PLCB4: variants seen among roughly 807,000 people sequenced by gnomAD.
PLCB4 encodes the protein 1-phosphatidylinositol 4,5-bisphosphate phosphodiesterase beta-4.
Under a neutral mutation model 178.8 loss-of-function variants are expected in PLCB4, and 77 were observed. The observed-to-expected ratio is 0.43, with a 90% CI of 0.36 to 0.52. PLCB4 has a LOEUF of 0.52. Ranked by LOEUF, PLCB4 falls within the 20% of genes least tolerant of loss-of-function variation. The pLI is 0.00. For missense variants in PLCB4, 1,024 were observed against 1,453.4 expected, an observed-to-expected ratio of 0.70 and a Z score of 4.80; for synonymous variants, 496 against 490.8, an observed-to-expected ratio of 1.01 and a Z score of -0.14.
chr20:9,391,996 C>T (rs748021379), intron 17 of PLCB4, among the ~76,000 whole-genome samples: 1 of 152,172 alleles, frequency 6.6e-6, no homozygotes, highest in Admixed American at 6.5e-5. Context: ...TGGTGCAATA[C>T]TACTTTTCTC....
At chr20:9,151,852 C>T (rs377706952) in intron 2 of PLCB4, among the ~76,000 whole-genome samples, 3 of 152,118 alleles carry the variant, frequency 2.0e-5, no homozygotes, top group East Asian at 3.9e-4. Flanking sequence ...TTTGGAACTT[C>T]CTAGAGACTT....
intron 30 of PLCB4, among the ~76,000 whole-genome samples, chr20:9,443,261 A>G: frequency 1.3e-5 from 2 of 152,354 alleles, no homozygotes; most frequent in East Asian, 1.9e-4. Context: ...GAGAAGCCAG[A>G]AAAAAATGTT....
chr20:9,374,720 A>G (rs2036526922), intron 12 of PLCB4, among the ~76,000 whole-genome samples: 1 of 152,160 alleles, frequency 6.6e-6, no homozygotes, highest in Admixed American at 6.6e-5. Context: ...TGCAGTATTT[A>G]TAGGCTCTTA....
At chr20:9,123,991 T>G (rs2092043675) in intron 2 of PLCB4, among the ~76,000 whole-genome samples, 1 of 152,104 alleles carries the variant, frequency 6.6e-6, no homozygotes, top group Non-Finnish European at 1.5e-5. Flanking sequence ...GGGACTGGGT[T>G]CCAACACATC....
At chr20:9,129,295 T>G (rs189822883) in intron 2 of PLCB4, among the ~76,000 whole-genome samples, 2 of 152,258 alleles carry the variant, frequency 1.3e-5, no homozygotes, top group Admixed American at 6.5e-5. Flanking sequence ...CCAATTAGGA[T>G]AGAAATTGGT....
Position 9,462,224 on chromosome 20 carries a change from A to G in PLCB4, c.3248+2414A>G, listed in dbSNP as rs568348162. On this transcript the variant is annotated intron_variant, in intron 35 of 39. Coordinates refer to ENST00000378473, the MANE Select transcript of PLCB4 (RefSeq NM_001377142.1). ...ACAGAAAGGAATAGCATCATCATCA[A>G]CAAAAAGTTCATCTACACCAAAACC... 8.7e-4 allele frequency among the ~76,000 whole-genome samples: 133 copies of G among 152,294 alleles called. 1 individual carries two copies. The highest frequency in any genetic ancestry group is 3.0e-3 in the African/African-American group (125 of 41,564).
rs577043314 is a variant in PLCB4, at chr20:9,306,629, C to G, written c.-15-1171C>G. Among the ~76,000 whole-genome samples the G allele has an allele frequency of 7.9e-5, 12 of 152,216 alleles. No homozygotes were observed. The East Asian group carries it at 1.5e-3, about 20-fold the overall frequency. ...CTGTTTTTCCTGCTCACCCTCTTTC[C>G]TTGGGTGTAAGTTTTACTTGATGTG... On this transcript the variant is annotated intron_variant, in intron 3 of 39. Coordinates refer to ENST00000378473, the MANE Select transcript of PLCB4 (RefSeq NM_001377142.1).
chr20:9,154,955 C>CTG (rs2092761711), intron 2 of PLCB4, among the ~76,000 whole-genome samples: 1 of 140,524 alleles, frequency 7.1e-6, no homozygotes, highest in African/African-American at 2.7e-5. Flanking sequence ...TTCCTTCCTT[C>CTG]CTTCCTTCCT....
At chr20:9,164,763 T>C (rs1289547224) in intron 2 of PLCB4, among the ~76,000 whole-genome samples, 1 of 152,176 alleles carries the variant, frequency 6.6e-6, no homozygotes, top group Non-Finnish European at 1.5e-5. Context: ...TCTGTGGTTC[T>C]ATCCTGAAAA....
intron 14 of PLCB4, among the ~76,000 whole-genome samples, chr20:9,385,877 T>G (rs2037594167): frequency 6.6e-6 from 1 of 152,174 alleles, no homozygotes; most frequent in South Asian, 2.1e-4. Context: ...GGCTGTAATC[T>G]TAGCACTTCG....
At chr20:9,206,681 A>T (rs540968991) in intron 2 of PLCB4, among the ~76,000 whole-genome samples, 1 of 152,318 alleles carries the variant, frequency 6.6e-6, no homozygotes, top group African/African-American at 2.4e-5. Flanking sequence ...GGGTTGGCAC[A>T]CATCCAAGTT....
intron 3 of PLCB4, among the ~76,000 whole-genome samples, chr20:9,249,025 T>A (rs185815340): frequency 6.2e-4 from 94 of 152,290 alleles, no homozygotes; most frequent in Middle Eastern, 6.8e-3. Flanking sequence ...TGTAGCTCCC[T>A]TCTATCTTCA....
intron 28 of PLCB4, among the ~76,000 whole-genome samples, chr20:9,427,621 G>T (rs2041114578): frequency 6.6e-6 from 1 of 152,192 alleles, no homozygotes; most frequent in African/African-American, 2.4e-5. Context: ...ACCGTAGATG[G>T]CATTTGCCCA....
chr20:9,133,277 G>A (rs1222770456), intron 2 of PLCB4, among the ~76,000 whole-genome samples: 3 of 151,456 alleles, frequency 2.0e-5, no homozygotes, highest in Non-Finnish European at 4.4e-5. Flanking sequence ...ACTTTTTTTT[G>A]TTGTTGTTGA....
intron 8 of PLCB4, among the ~76,000 whole-genome samples, chr20:9,364,321 A>G (rs886320118): frequency 1.3e-5 from 2 of 152,182 alleles, no homozygotes; most frequent in Non-Finnish European, 2.9e-5. Context: ...CATGAGATCT[A>G]ACAACATCCT....
rs902270125 is a variant in PLCB4, at chr20:9,480,478, C to T, written c.*1469C>T. The T allele has an allele frequency of 6.6e-6, 1 of 152,590 alleles. No individual in the cohort carries two copies. Among genetic ancestry groups the T allele is most frequent in the Non-Finnish European group, 1.5e-5 (1 of 68,030 alleles). 9.5% of individuals were successfully genotyped at this position (152,590 alleles called of 1,614,324 possible). On this transcript the variant is annotated 3_prime_UTR_variant, in exon 40 of 40. Transcript: ENST00000378473. The stretch of plus-strand genomic sequence containing the variant: ...TAATAAAAAATTAAAACACGCATAA[C>T]ACTCGTCAAGAGTATTTGCTCCCAA...
intron 2 of PLCB4, among the ~76,000 whole-genome samples, chr20:9,147,542 G>A (rs763136715): frequency 2.6e-5 from 4 of 152,020 alleles, no homozygotes; most frequent in African/African-American, 4.8e-5. Context: ...GGCAGGCAGC[G>A]CTGGGTTAGT....
intron 8 of PLCB4, among the ~76,000 whole-genome samples, chr20:9,365,080 C>T (rs2035660285): frequency 6.6e-6 from 1 of 152,164 alleles, no homozygotes; most frequent in Non-Finnish European, 1.5e-5. Flanking sequence ...TAAGTACCAA[C>T]AATGTGTTTT....
chr20:9,247,772 G>T (rs2094140217), intron 3 of PLCB4, among the ~76,000 whole-genome samples: 1 of 152,140 alleles, frequency 6.6e-6, no homozygotes, highest in Non-Finnish European at 1.5e-5. Context: ...GGAGGCAGGT[G>T]CTCCAGGCAC....
Sources: allele counts gnomAD v4.1 joint callset (sites outside exome capture counted in the v4.1 genomes callset), GRCh38; gene constraint gnomAD v4.1.1; transcripts MANE v1.5; gene names NCBI Gene and HGNC (gene_info 2026-07-23, HGNC 2026-07-21).